The following ZDHHC2 variants were observed in gnomAD, a reference collection of about 807,000 sequenced individuals.
ZDHHC2 encodes zDHHC palmitoyltransferase 2.
ZDHHC2 carries 51 observed loss-of-function variants against 55.6 expected under a neutral mutation model. The ratio of observed to expected loss-of-function variants is 0.92; its 90% CI spans 0.73 to 1.16. ZDHHC2 has a LOEUF of 1.16. Among genes scored for constraint, ZDHHC2 ranks in the 50% most tolerant of loss-of-function variants. The pLI is 0.00. For missense variants in ZDHHC2, 491 were observed against 442.4 expected (o/e 1.11, Z -0.99); for synonymous variants, 199 against 152.9 (o/e 1.30, Z -2.22).
In ZDHHC2 at chr8:17,205,799, T is replaced by C. The variant is rs754918513; in HGVS notation, c.597+24T>C. On this transcript the variant is annotated intron_variant, in intron 7 of 12. Coordinates refer to ENST00000262096, the MANE Select transcript of ZDHHC2 (RefSeq NM_016353.5). Reference sequence around the variant, plus strand: ...CAGTAAGTCATTAACTTGGTAACTCTTTTTTTGGTATACAATAATAGATAA... The same window carrying C: ...CAGTAAGTCATTAACTTGGTAACTCCTTTTTTGGTATACAATAATAGATAA... The C allele has an allele frequency of 4.4e-6, 7 of 1,575,464 alleles. No individual in the cohort carries two copies. The South Asian group carries it at 7.1e-5, about 16-fold the overall frequency.
chr8:17,173,214 A>C (rs1030645254), intron 1 of ZDHHC2, among the ~76,000 whole-genome samples: 5 of 152,174 alleles, frequency 3.3e-5, no homozygotes, highest in Non-Finnish European at 5.9e-5. Context: ...GGCCACACAG[A>C]ATCCTTGTAT....
At chr8:17,174,164 G>T (rs1052949707) in intron 1 of ZDHHC2, among the ~76,000 whole-genome samples, 1 of 149,764 alleles carries the variant, frequency 6.7e-6, no homozygotes, top group African/African-American at 2.5e-5. Flanking sequence ...ATCACAGCTC[G>T]TGCTGCCTCG....
At chr8:17,195,984 G>C (rs1411712117) in intron 4 of ZDHHC2, among the ~76,000 whole-genome samples, 3 of 152,132 alleles carry the variant, frequency 2.0e-5, no homozygotes, top group African/African-American at 7.2e-5. Flanking sequence ...AGCAGTATCT[G>C]TAATGAATAT....
At chr8:17,177,999 C>A (rs1029064395) in intron 1 of ZDHHC2, among the ~76,000 whole-genome samples, 2 of 151,792 alleles carry the variant, frequency 1.3e-5, no homozygotes, top group African/African-American at 4.8e-5. Context: ...ATAAAATACC[C>A]CAAAATCACA....
intron 3 of ZDHHC2, among the ~76,000 whole-genome samples, chr8:17,193,945 GT>G (rs1806175022): frequency 1.3e-5 from 2 of 152,146 alleles, no homozygotes; most frequent in Admixed American, 1.3e-4. Context: ...ACAGGCCCTG[GT>G]GTGTGATGTT....
intron 5 of ZDHHC2, 83 bp from the exon 6 acceptor site, chr8:17,198,298 C>A (rs1326731483): frequency 3.0e-6 from 4 of 1,315,220 alleles, no homozygotes; most frequent in Non-Finnish European, 4.1e-6. Context: ...GCTGTTTGAA[C>A]TAACCATAAT....
In ZDHHC2 at chr8:17,156,844, C is replaced by A; in HGVS notation, c.121C>A (p.Leu41Met). Residue 41 changes from leucine (L) to methionine (M), a missense_variant, in exon 1 of 13, where the codon CTG becomes ATG. Transcript: ENST00000262096. ...GTCCTACTACGCCTACGCCATCCAG[C>A]TGTGCATAGGTGAGTGCGCCCCCCG... The part of the protein sequence containing the change: ...GWSYYAYAIQ[L>M]CIVSMENTGE... 1 of 1,513,572 alleles carries A rather than the reference C, an allele frequency of 6.6e-7. No individual in the cohort carries two copies. The allele number at this position is 1,513,572 out of a possible 1,614,324, so 93.8% of individuals were successfully genotyped here.
intron 1 of ZDHHC2, among the ~76,000 whole-genome samples, chr8:17,158,918 G>C (rs1804199849): frequency 6.6e-6 from 1 of 152,192 alleles, no homozygotes; most frequent in Non-Finnish European, 1.5e-5. Flanking sequence ...CTATCTCCTA[G>C]GTTTTCAGAA....
intron 12 of ZDHHC2, among the ~76,000 whole-genome samples, chr8:17,218,356 A>T (rs1475056167): frequency 1.3e-5 from 2 of 152,230 alleles, no homozygotes; most frequent in South Asian, 2.1e-4. Flanking sequence ...CAAATAAAAT[A>T]TACAGAACAT....
intron 1 of ZDHHC2, among the ~76,000 whole-genome samples, chr8:17,159,298 T>G (rs904426907): frequency 6.6e-6 from 1 of 152,242 alleles, no homozygotes; most frequent in Non-Finnish European, 1.5e-5. Flanking sequence ...AAGCAGATTT[T>G]CCAAATTTCT....
At chr8:17,181,459 A>G (rs1490828842) in intron 1 of ZDHHC2, among the ~76,000 whole-genome samples, 1 of 152,214 alleles carries the variant, frequency 6.6e-6, no homozygotes, top group Non-Finnish European at 1.5e-5. Context: ...TTTAGTAAAA[A>G]CTGAGTAAAC....
intron 12 of ZDHHC2, among the ~76,000 whole-genome samples, chr8:17,218,749 C>T (rs1009127039): frequency 6.6e-6 from 1 of 152,232 alleles, no homozygotes; most frequent in Admixed American, 6.5e-5. Flanking sequence ...TAAAAATACC[C>T]GATTTTCTGA....
At chr8:17,174,429 A>G (rs1409159823) in intron 1 of ZDHHC2, among the ~76,000 whole-genome samples, 1 of 152,164 alleles carries the variant, frequency 6.6e-6, no homozygotes, top group Non-Finnish European at 1.5e-5. Context: ...ATAGCCCAGC[A>G]GGTAAGGGAG....
At chr8:17,183,406 G>A (rs1309165296) in intron 1 of ZDHHC2, among the ~76,000 whole-genome samples, 1 of 152,206 alleles carries the variant, frequency 6.6e-6, no homozygotes, top group Non-Finnish European at 1.5e-5. Flanking sequence ...GCCCTCAGAT[G>A]AGCTGCTTCA....
chr8:17,198,701 G>A (rs1806453341), intron 6 of ZDHHC2, among the ~76,000 whole-genome samples: 2 of 152,150 alleles, frequency 1.3e-5, no homozygotes, highest in South Asian at 4.1e-4. Flanking sequence ...AGAGATTCCA[G>A]AATACTTCAC....
intron 3 of ZDHHC2, among the ~76,000 whole-genome samples, chr8:17,191,340 A>G (rs1806017098): frequency 6.6e-6 from 1 of 151,768 alleles, no homozygotes; most frequent in Non-Finnish European, 1.5e-5. Flanking sequence ...CAAGTGATCC[A>G]CTCGCCTTGG....
At chr8:17,214,726 T>C (rs947569624) in intron 10 of ZDHHC2, among the ~76,000 whole-genome samples, 2 of 151,920 alleles carry the variant, frequency 1.3e-5, no homozygotes, top group South Asian at 2.1e-4. Context: ...CTGGGCAACA[T>C]AGAGAGTCCA....
At chr8:17,173,453 A>C (rs1233277917) in intron 1 of ZDHHC2, among the ~76,000 whole-genome samples, 4 of 152,086 alleles carry the variant, frequency 2.6e-5, no homozygotes, top group Non-Finnish European at 4.4e-5. Flanking sequence ...AGGTGGGAGA[A>C]TCATTTGAGC....
At chr8:17,205,894 A>G in intron 7 of ZDHHC2, 119 bp downstream of exon 7, 1 of 951,136 alleles carries the variant, frequency 1.1e-6, no homozygotes, top group Non-Finnish European at 1.5e-6. Flanking sequence ...ACATGCAGTC[A>G]GTCCTCATTA....
Sources: gnomAD v4.1 joint callset for allele counts (sites outside exome capture counted in the v4.1 genomes callset) on GRCh38, gnomAD v4.1.1 for gene constraint, MANE v1.5 for transcripts, NCBI Gene and HGNC (gene_info 2026-07-23, HGNC 2026-07-21) for gene names.